The following ANKRD30BL variants were observed in gnomAD, a reference collection of about 807,000 sequenced individuals.
ANKRD30BL encodes the protein ankyrin repeat domain 30B like.
A neutral mutation model predicts 18.4 loss-of-function variants in ANKRD30BL; 20 were observed. The ratio of observed to expected loss-of-function variants is 1.09; its 90% CI spans 0.77 to 1.58. The LOEUF (loss-of-function observed/expected upper bound fraction) is 1.58, where lower values mean the gene tolerates loss of function less well. ANKRD30BL is among the 40% of genes most tolerant of loss of function. ANKRD30BL has a pLI of 0.00. For missense variants in ANKRD30BL, 224 were observed against 268.6 expected (o/e 0.83, Z 1.16); for synonymous variants, 72 against 100.9 (o/e 0.71, Z 1.72).
At chr2:132,210,897 C>G (rs796189543) in intron 1 of ANKRD30BL, among the ~76,000 whole-genome samples, 4 of 138,350 alleles carry the variant, frequency 2.9e-5, no homozygotes, top group Non-Finnish European at 3.2e-5. Flanking sequence ...CTAAAAACTA[C>G]ACAGAAGCAT....
At chr2:132,153,206 G>C (rs1573798390) in intron 4 of ANKRD30BL, among the ~76,000 whole-genome samples, 1 of 152,252 alleles carries the variant, frequency 6.6e-6, no homozygotes, top group South Asian at 2.1e-4. Flanking sequence ...CTTGGACTTA[G>C]GTTCAGATTC....
At chr2:132,229,959 T>C (rs1679962708) in intron 1 of ANKRD30BL, among the ~76,000 whole-genome samples, 1 of 152,058 alleles carries the variant, frequency 6.6e-6, no homozygotes, top group African/African-American at 2.4e-5. Flanking sequence ...TAAACGTGAA[T>C]ATCTTCACAT....
intron 1 of ANKRD30BL, among the ~76,000 whole-genome samples, chr2:132,222,778 T>C (rs1198081267): frequency 7.2e-6 from 1 of 138,194 alleles, no homozygotes; most frequent in Non-Finnish European, 1.5e-5. Context: ...CCTCCACTAT[T>C]GTCCTATGAC....
At chr2:132,225,319 A>T (rs899818042) in intron 1 of ANKRD30BL, among the ~76,000 whole-genome samples, 12 of 152,018 alleles carry the variant, frequency 7.9e-5, no homozygotes, top group Admixed American at 3.9e-4. Context: ...AAAAACAAAT[A>T]TCTTCCCATA....
chr2:132,240,518 T>G (rs1680286842), intron 1 of ANKRD30BL, among the ~76,000 whole-genome samples: 1 of 151,962 alleles, frequency 6.6e-6, no homozygotes. Context: ...AGAAGAATTC[T>G]CAGAAACTTC....
At chr2:132,236,302 C>T (rs1297850435) in intron 1 of ANKRD30BL, among the ~76,000 whole-genome samples, 1 of 152,068 alleles carries the variant, frequency 6.6e-6, no homozygotes, top group Non-Finnish European at 1.5e-5. Flanking sequence ...GTCTAAAACA[C>T]CAAAAACAAT....
chr2:132,176,794 C>T lies in ANKRD30BL; in HGVS notation n.442-19648G>A, dbSNP rs540139966. Among the ~76,000 whole-genome samples the T allele has an allele frequency of 8.5e-5, 13 of 152,082 alleles. No homozygotes were observed. In the South Asian group the frequency reaches 2.5e-3, roughly 29 times the overall value. ...GGACAGAGTTAGGCTCTGTAAAAAA[C>T]AAAAAATGCAGCAGCGTATTATGCT... On this transcript the variant is annotated intron_variant and non_coding_transcript_variant, in intron 1 of 4. Coordinates refer to the ANKRD30BL transcript ENST00000470729.
At chr2:132,250,608 A>G (rs1354110567) in intron 1 of ANKRD30BL, among the ~76,000 whole-genome samples, 1 of 152,190 alleles carries the variant, frequency 6.6e-6, no homozygotes, top group Non-Finnish European at 1.5e-5. Flanking sequence ...AAGGGCATGC[A>G]TTGCCTAAGG....
chr2:132,253,654 C>G (rs1680730566), intron 1 of ANKRD30BL, among the ~76,000 whole-genome samples: 1 of 152,044 alleles, frequency 6.6e-6, no homozygotes, highest in Non-Finnish European at 1.5e-5. Flanking sequence ...ACGGAGTCGG[C>G]AGGGGAGGCG....
intron 1 of ANKRD30BL, among the ~76,000 whole-genome samples, chr2:132,168,386 T>G (rs1688223318): frequency 6.6e-6 from 1 of 152,138 alleles, no homozygotes; most frequent in Non-Finnish European, 1.5e-5. Flanking sequence ...ATAAAGAAAA[T>G]GTGGCATATA....
At chr2:132,247,136 A>G (rs1573891806) in intron 1 of ANKRD30BL, among the ~76,000 whole-genome samples, 1 of 151,506 alleles carries the variant, frequency 6.6e-6, no homozygotes, top group Admixed American at 6.6e-5. Context: ...CCTATGGTGA[A>G]AAAGGAAATA....
intron 1 of ANKRD30BL, among the ~76,000 whole-genome samples, chr2:132,241,738 C>T (rs1334635497): frequency 1.3e-5 from 2 of 151,314 alleles, no homozygotes; most frequent in African/African-American, 2.4e-5. Flanking sequence ...GATGTGTGTA[C>T]TCAACTCACA....
chr2:132,159,376 G>A (rs1463127458), intron 1 of ANKRD30BL, among the ~76,000 whole-genome samples: 2 of 152,110 alleles, frequency 1.3e-5, no homozygotes, highest in African/African-American at 2.4e-5. Flanking sequence ...TTAAACAGCA[G>A]TATAAATATC....
At chr2:132,180,129 C>G (rs1448152049) in intron 1 of ANKRD30BL, among the ~76,000 whole-genome samples, 1 of 151,950 alleles carries the variant, frequency 6.6e-6, no homozygotes, top group East Asian at 1.9e-4. Context: ...TGTCCTAGGC[C>G]TTCATATTCA....
At chr2:132,215,299 T>C (rs201650279) in intron 1 of ANKRD30BL, among the ~76,000 whole-genome samples, 1 of 152,272 alleles carries the variant, frequency 6.6e-6, no homozygotes, top group Non-Finnish European at 1.5e-5. Flanking sequence ...TTTTGTAGAA[T>C]CTGTAAGGGG....
intron 1 of ANKRD30BL, among the ~76,000 whole-genome samples, chr2:132,224,992 C>T (rs375891740): frequency 2.0e-5 from 3 of 151,916 alleles, no homozygotes; most frequent in African/African-American, 7.3e-5. Flanking sequence ...CACATAAAAA[C>T]TAGACAGAAG....
intron 1 of ANKRD30BL, among the ~76,000 whole-genome samples, chr2:132,211,851 G>A (rs1050814890): frequency 6.6e-6 from 1 of 151,932 alleles, no homozygotes; most frequent in African/African-American, 2.4e-5. Flanking sequence ...TCTTTTTGTA[G>A]AATCTGCAAG....
chr2:132,204,435 A>G (rs1679169334), intron 1 of ANKRD30BL, among the ~76,000 whole-genome samples: 2 of 127,754 alleles, frequency 1.6e-5, no homozygotes, highest in African/African-American at 3.2e-5. Context: ...GTCTATACTT[A>G]TACTATATAC....
rs565570241 is a variant in ANKRD30BL, at chr2:132,226,781, G to A, written n.441+30748C>T. 5.8e-3 allele frequency among the ~76,000 whole-genome samples: 876 copies of A among 152,126 alleles called. 3 individuals carry two copies. The highest frequency in any genetic ancestry group is 9.3e-3 in the Non-Finnish European group (635 of 67,984). On this transcript the variant is annotated intron_variant and non_coding_transcript_variant, in intron 1 of 4. Transcript: ENST00000470729. ...ACAGAGTTGAACCTTTCTTTTGATT[G>A]AGAATTATGGAAAAACTCTTTTTGT... is the stretch of plus-strand genomic sequence containing the variant.
Sources: allele counts gnomAD v4.1 joint callset (sites outside exome capture counted in the v4.1 genomes callset), GRCh38; gene constraint gnomAD v4.1.1; transcripts MANE v1.5; gene names NCBI Gene and HGNC (gene_info 2026-07-23, HGNC 2026-07-21).